Variants in ZDHHC14 observed in about 807,000 individuals in gnomAD.
ZDHHC14 encodes the protein zDHHC palmitoyltransferase 14, also known as palmitoyltransferase ZDHHC14.
In ZDHHC14, 16 loss-of-function variants were observed where a neutral mutation model predicts 47.7. The ratio of observed to expected loss-of-function variants is 0.34; its 90% CI spans 0.23 to 0.51. The LOEUF is 0.51. Ranked by LOEUF, ZDHHC14 falls within the 20% of genes least tolerant of loss-of-function variation. The probability of loss-of-function intolerance (pLI) is 0.97; values close to 1 mark genes in which losing one functional copy is unlikely to be tolerated. For missense variants in ZDHHC14, 515 were observed against 662.5 expected, an observed-to-expected ratio of 0.78 and a Z score of 2.44; for synonymous variants, 293 against 278.9, an observed-to-expected ratio of 1.05 and a Z score of -0.50.
At chr6:157,637,736 C>T (rs995754026) in intron 5 of ZDHHC14, among the ~76,000 whole-genome samples, 6 of 152,176 alleles carry the variant, frequency 3.9e-5, no homozygotes, top group Non-Finnish European at 7.3e-5. Context: ...TCAGTGACCT[C>T]ATATCTAATT....
intron 1 of ZDHHC14, among the ~76,000 whole-genome samples, chr6:157,498,643 G>GT (rs1401936144): frequency 6.6e-6 from 1 of 152,156 alleles, no homozygotes; most frequent in Non-Finnish European, 1.5e-5. Flanking sequence ...CAGTATCTTT[G>GT]TAAACATCTG....
At chr6:157,428,064 T>A (rs1778258993) in intron 1 of ZDHHC14, among the ~76,000 whole-genome samples, 1 of 152,220 alleles carries the variant, frequency 6.6e-6, no homozygotes, top group African/African-American at 2.4e-5. Flanking sequence ...GCTGTCGATA[T>A]GTGCTATCTT....
intron 3 of ZDHHC14, among the ~76,000 whole-genome samples, chr6:157,623,980 C>T (rs553586627): frequency 3.2e-4 from 48 of 152,312 alleles, no homozygotes; most frequent in Non-Finnish European, 6.5e-4. Context: ...AAGAACTTCC[C>T]ATCACACGTG....
chr6:157,512,680 C>CA (rs970226621), intron 1 of ZDHHC14, among the ~76,000 whole-genome samples: 4 of 151,312 alleles, frequency 2.6e-5, no homozygotes, highest in Non-Finnish European at 4.4e-5. Context: ...CAGTTCTCCA[C>CA]AAAAAAGAAA....
intron 3 of ZDHHC14, among the ~76,000 whole-genome samples, chr6:157,609,706 G>A (rs779996693): frequency 2.6e-5 from 4 of 152,200 alleles, no homozygotes; most frequent in East Asian, 1.9e-4. Context: ...GGAGGTGGCC[G>A]GGCACTGAGC....
chr6:157,655,820 T>C (rs553897232), intron 8 of ZDHHC14, among the ~76,000 whole-genome samples: 1 of 152,350 alleles, frequency 6.6e-6, no homozygotes, highest in East Asian at 1.9e-4. Flanking sequence ...AGTGGACTTA[T>C]GTTCTTCTTA....
intron 1 of ZDHHC14, among the ~76,000 whole-genome samples, chr6:157,471,216 C>A (rs904696158): frequency 2.0e-5 from 3 of 152,252 alleles, no homozygotes; most frequent in Non-Finnish European, 4.4e-5. Flanking sequence ...GCGCGGGGTC[C>A]AGGAATCTGC....
In ZDHHC14 at chr6:157,592,980, C is replaced by A; in HGVS notation, c.407-8C>A. 6.2e-7 allele frequency: 1 copy of A among 1,608,318 alleles called. No homozygotes were observed. Among genetic ancestry groups the A allele is most frequent in the Admixed American group, 1.7e-5 (1 of 58,642 alleles). On this transcript the variant is annotated splice_region_variant and splice_polypyrimidine_tract_variant and intron_variant, in intron 2 of 8. Transcript: ENST00000359775. Reference sequence around the variant, plus strand: ...AGGTGTGCGCTCTTTCTCTTCTTTTCTCCACAGATATCGCAAACGGCACCA... The same window carrying A: ...AGGTGTGCGCTCTTTCTCTTCTTTTATCCACAGATATCGCAAACGGCACCA...
intron 1 of ZDHHC14, among the ~76,000 whole-genome samples, chr6:157,454,691 C>T (rs778196191): frequency 9.9e-5 from 15 of 152,032 alleles, no homozygotes; most frequent in Non-Finnish European, 1.8e-4. Context: ...TAAACATGAA[C>T]TGACACAATT....
intron 4 of ZDHHC14, among the ~76,000 whole-genome samples, chr6:157,629,136 C>A (rs998860837): frequency 2.6e-5 from 4 of 152,248 alleles, no homozygotes; most frequent in African/African-American, 7.2e-5. Flanking sequence ...ATTTTAATAT[C>A]TATTTGCCTA....
intron 8 of ZDHHC14, among the ~76,000 whole-genome samples, chr6:157,668,237 G>A (rs1325767960): frequency 6.6e-6 from 1 of 152,160 alleles, no homozygotes; most frequent in African/African-American, 2.4e-5. Flanking sequence ...TCTATCAGGG[G>A]AAACACCCAT....
chr6:157,510,901 C>T (rs542004230), intron 1 of ZDHHC14, among the ~76,000 whole-genome samples: 2 of 152,350 alleles, frequency 1.3e-5, no homozygotes, highest in East Asian at 3.9e-4. Context: ...GTAACCATAC[C>T]GGGGCTGCTT....
At chr6:157,650,085 G>A (rs1481434955) in intron 7 of ZDHHC14, among the ~76,000 whole-genome samples, 2 of 150,906 alleles carry the variant, frequency 1.3e-5, no homozygotes, top group African/African-American at 4.9e-5. Flanking sequence ...ACGGGAGAGG[G>A]GCTGGCTCTG....
chr6:157,647,989 G>C (rs981915903), intron 7 of ZDHHC14, among the ~76,000 whole-genome samples: 3 of 152,190 alleles, frequency 2.0e-5, no homozygotes, highest in Non-Finnish European at 4.4e-5. Context: ...GATGAGGAAA[G>C]TGAGGCACAG....
rs181022116 is a variant in ZDHHC14 at position 157,593,787 on chromosome 6, G to A, written c.565+641G>A. On this transcript the variant is annotated intron_variant, in intron 3 of 8. Coordinates refer to ENST00000359775, the MANE Select transcript of ZDHHC14 (RefSeq NM_024630.3). ...CAAGTGACCCGGGCCCAGCCCCTGG[G>A]ATTATTTGGCAAGCGCCTGTTGTCA... Among the ~76,000 whole-genome samples, 14 of 152,308 alleles carry A rather than the reference G, an allele frequency of 9.2e-5. No homozygotes were observed. In the East Asian group the frequency reaches 2.7e-3, roughly 29 times the overall value.
intron 1 of ZDHHC14, among the ~76,000 whole-genome samples, chr6:157,486,489 T>A (rs907617654): frequency 6.6e-6 from 1 of 152,378 alleles, no homozygotes; most frequent in South Asian, 2.1e-4. Flanking sequence ...TGTATGTTTT[T>A]AATTGTCCAA....
intron 1 of ZDHHC14, among the ~76,000 whole-genome samples, chr6:157,440,785 C>T (rs1778545662): frequency 6.6e-6 from 1 of 152,092 alleles, no homozygotes; most frequent in Admixed American, 6.6e-5. Context: ...AAAACAGGTG[C>T]TAAGTGAAAG....
chr6:157,458,910 A>T (rs1778998693), intron 1 of ZDHHC14, among the ~76,000 whole-genome samples: 1 of 120,210 alleles, frequency 8.3e-6, no homozygotes, highest in African/African-American at 3.2e-5. Context: ...GCTGGAGTGC[A>T]GTGGCATTAT....
chr6:157,624,209 A>G (rs1366252586), intron 3 of ZDHHC14, among the ~76,000 whole-genome samples: 2 of 152,190 alleles, frequency 1.3e-5, no homozygotes, highest in Admixed American at 1.3e-4. Flanking sequence ...GAATGACACT[A>G]GCCTCCCCAT....
Sources: gnomAD v4.1 joint callset for allele counts (sites outside exome capture counted in the v4.1 genomes callset) on GRCh38, gnomAD v4.1.1 for gene constraint, MANE v1.5 for transcripts, NCBI Gene and HGNC (gene_info 2026-07-23, HGNC 2026-07-21) for gene names.